CSN2: variants seen among roughly 807,000 people sequenced by gnomAD.
CSN2 encodes the protein casein beta.
Under a neutral mutation model 27.3 loss-of-function variants are expected in CSN2, and 27 were observed. The ratio of observed to expected loss-of-function variants is 0.99; its 90% CI spans 0.73 to 1.36. CSN2 has a LOEUF of 1.36. Ranked by LOEUF, CSN2 falls within the 40% of genes most tolerant of loss-of-function variation. CSN2 has a pLI of 0.00. For synonymous variants in CSN2, 131 were observed against 94.8 expected (o/e 1.38, Z -2.22); for missense variants, 333 against 264.5 (o/e 1.26, Z -1.80).
rs142049170 is a variant in CSN2 at position 69,957,672 on chromosome 4, C to A, written c.277G>T (p.Val93Phe). The A allele has an allele frequency of 3.0e-5, 48 of 1,613,914 alleles. No homozygotes were observed. The highest frequency in any genetic ancestry group is 3.6e-5 in the Non-Finnish European group (42 of 1,179,986). The change falls in exon 6 of 8, where the codon GTC (valine) becomes TTC (phenylalanine). Residue 93 changes from valine (V) to phenylalanine (F), a missense_variant. Transcript: ENST00000353151. ...ACTTCCATTATTTCAGGCTGAGGGA[C>A]AGGCAGCACCACAGCAGGCTGAGCA... The part of the protein sequence containing the change: ...PLAQPAVVLP[V>F]PQPEIMEVPK...
rs902939005 is a variant in CSN2, at chr4:69,965,666, A to G, written c.-13+15T>C. 6.6e-6 allele frequency among the ~76,000 whole-genome samples: 1 copy of G among 151,828 alleles called. No homozygotes were observed. Among genetic ancestry groups the G allele is most frequent in the Non-Finnish European group, 1.5e-5 (1 of 67,920 alleles). On this transcript the variant is annotated intron_variant, in intron 1 of 7. Coordinates refer to ENST00000353151, the MANE Select transcript of CSN2 (RefSeq NM_001891.4). Reference sequence around the variant, plus strand: ...TTAGGAGAAGATACAACAAATTTGTATCTAAAATTCTTACCGTTTTTCCAA... The same window carrying G: ...TTAGGAGAAGATACAACAAATTTGTGTCTAAAATTCTTACCGTTTTTCCAA...
intron 4 of CSN2, 27 bp from the exon 5 acceptor site, chr4:69,958,980 T>C: frequency 1.3e-6 from 2 of 1,571,108 alleles, no homozygotes; most frequent in Non-Finnish European, 8.7e-7. Context: ...TATAAAGATA[T>C]GTTACCATCT....
At chr4:69,959,951 T>A in intron 3 of CSN2, 102 bp downstream of exon 3, 1 of 976,322 alleles carries the variant, frequency 1.0e-6, no homozygotes, top group Non-Finnish European at 1.6e-6. Context: ...AGAACTTATA[T>A]GTCATTAACA....
At chr4:69,962,878 C>A (rs1723646889) in intron 1 of CSN2, among the ~76,000 whole-genome samples, 1 of 152,036 alleles carries the variant, frequency 6.6e-6, no homozygotes, top group Non-Finnish European at 1.5e-5. Context: ...TGAACTCCAA[C>A]AAATTTACAA....
intron 1 of CSN2, among the ~76,000 whole-genome samples, chr4:69,962,268 A>T (rs889282083): frequency 3.0e-4 from 45 of 152,328 alleles, no homozygotes; most frequent in African/African-American, 9.6e-4. Flanking sequence ...AAGAGGCCAC[A>T]TTGCCAAGTA....
chr4:69,963,609 A>G (rs939938136), intron 1 of CSN2, among the ~76,000 whole-genome samples: 6 of 152,044 alleles, frequency 3.9e-5, no homozygotes, highest in East Asian at 1.9e-4. Flanking sequence ...GTGGGGAGGG[A>G]TAGCATTAGG....
At position 69,956,230 on chromosome 4, in the gene CSN2, A is replaced by G; in HGVS notation, c.*36+84T>C. 5 of 973,804 alleles carry G rather than the reference A, an allele frequency of 5.1e-6. No individual in the cohort carries two copies. In the South Asian group the frequency reaches 1.7e-4, roughly 33 times the overall value. 60.3% of individuals were successfully genotyped at this position (973,804 alleles called of 1,614,324 possible). A position where few individuals can be genotyped will look rare whatever the true frequency, so the allele number is the denominator to read the frequency against. Reference sequence around the variant, plus strand: ...CTTGTATGTATGAAATTTTCACTGTATTGGACTTCTCTAGGAGAATTAAAT... The same window carrying G: ...CTTGTATGTATGAAATTTTCACTGTGTTGGACTTCTCTAGGAGAATTAAAT... On this transcript the variant is annotated intron_variant, in intron 7 of 7. Transcript: ENST00000353151.
At chr4:69,961,208 G>T (rs527415329) in intron 1 of CSN2, among the ~76,000 whole-genome samples, 367 of 152,138 alleles carry the variant, frequency 2.4e-3, no homozygotes, top group African/African-American at 8.2e-3. Flanking sequence ...TCTGGCTTGC[G>T]ATTCTCATTT....
chr4:69,957,059 C>G (rs573604471), intron 6 of CSN2, among the ~76,000 whole-genome samples: 1 of 152,002 alleles, frequency 6.6e-6, no homozygotes, highest in Non-Finnish European at 1.5e-5. Flanking sequence ...TGTTAAATGA[C>G]GAGTTAATGG....
At position 69,960,085 on chromosome 4, in the gene CSN2, G is replaced by T. The variant is rs759896409; in HGVS notation, c.52-6C>A. Reference sequence around the variant, plus strand: ...CTTGAAAGGCTTTCTATGGTCTGTGGGAAAAAAAAATTGACAACCAGCTAA... The same window carrying T: ...CTTGAAAGGCTTTCTATGGTCTGTGTGAAAAAAAAATTGACAACCAGCTAA... On this transcript the variant is annotated splice_region_variant and splice_polypyrimidine_tract_variant and intron_variant, in intron 2 of 7. Coordinates refer to ENST00000353151, the MANE Select transcript of CSN2 (RefSeq NM_001891.4). 1.9e-6 allele frequency: 3 copies of T among 1,609,300 alleles called. No homozygotes were observed. The highest frequency in any genetic ancestry group is 2.5e-6 in the Non-Finnish European group (3 of 1,177,506).
rs773636475 is a variant in CSN2, at chr4:69,957,534, G to A, written c.415C>T (p.Leu139=). Residue 139 remains leucine (L), a synonymous_variant, in exon 6 of 8, where the codon CTG becomes TTG. Coordinates refer to ENST00000353151, the MANE Select transcript of CSN2 (RefSeq NM_001891.4). ...QIPKLTDLEN[L]HLPLPLLQPL... ...TGGAGCAGAGGCAGAGGAAGATGCA[G>A]ATTTTCAAGATCAGTGAGTTTTGGG... 16 of 1,613,852 alleles carry A rather than the reference G, an allele frequency of 9.9e-6. No individual in the cohort carries two copies. The highest frequency in any genetic ancestry group is 1.4e-5 in the Non-Finnish European group (16 of 1,179,996).
At chr4:69,960,123 A>G in intron 2 of CSN2, 44 bp from the exon 3 acceptor site, 1 of 1,567,910 alleles carries the variant, frequency 6.4e-7, no homozygotes, top group East Asian at 2.3e-5. Flanking sequence ...CTTCTAGATC[A>G]TTAGAGAATT....
rs117743251 is a variant in CSN2, at chr4:69,961,346, G to T, written c.-12-339C>A. On this transcript the variant is annotated intron_variant, in intron 1 of 7. Transcript: ENST00000353151. ...GCATAAAGAAGTTATAAATATGTAT[G>T]GAAAGATTTATGCAACACATCAAAA... 3.1e-3 allele frequency among the ~76,000 whole-genome samples: 473 copies of T among 152,058 alleles called. 7 individuals are homozygous for T. The highest frequency in any genetic ancestry group is 0.025 in the East Asian group (128 of 5,172).
At position 69,955,402 on chromosome 4, in the gene CSN2, T is replaced by C. The variant is rs548891124; in HGVS notation, c.*227A>G. 1.1e-3 allele frequency: 174 copies of C among 152,644 alleles called. 1 individual carries two copies. The highest frequency in any genetic ancestry group is 1.8e-3 in the Non-Finnish European group (121 of 67,954). 9.5% of individuals were successfully genotyped at this position (152,644 alleles called of 1,614,324 possible). ...AATGAGTATTGAACTTCTGTGGTAC[T>C]AGTTGAATTAAGATTTGGAAAATGT... On this transcript the variant is annotated 3_prime_UTR_variant, in exon 8 of 8. Transcript: ENST00000353151.
chr4:69,960,285 T>C (rs1040690629), intron 2 of CSN2, among the ~76,000 whole-genome samples: 2 of 152,062 alleles, frequency 1.3e-5, no homozygotes, highest in African/African-American at 4.8e-5. Context: ...TTACATCACT[T>C]ATGCAGAGCT....
At chr4:69,958,552 GT>G (rs747699252) in intron 5 of CSN2, among the ~76,000 whole-genome samples, 1 of 151,940 alleles carries the variant, frequency 6.6e-6, no homozygotes, top group Non-Finnish European at 1.5e-5. Flanking sequence ...TTTTACATAG[GT>G]TTTTTTACCA....
chr4:69,957,090 A>G (rs1490187427), intron 6 of CSN2, among the ~76,000 whole-genome samples, 184 bp downstream of exon 6: 2 of 152,190 alleles, frequency 1.3e-5, no homozygotes, highest in Non-Finnish European at 2.9e-5. Context: ...CCAACATGGC[A>G]CATGTATACA....
chr4:69,957,570 C>T lies in CSN2; in HGVS notation c.379G>A (p.Asp127Asn), dbSNP rs752089071. ...VLKSPTIPFF[D>N]PQIPKLTDLE... ...TCAGTGAGTTTTGGGATTTGAGGGT[C>T]AAAAAAGGGTATCGTTGGAGATTTA... The change falls in exon 6 of 8, where the codon GAC (aspartate) becomes AAC (asparagine). Residue 127 changes from aspartate to asparagine, a missense_variant. Asp to Asn is a conservative substitution (Grantham distance 23). Coordinates refer to ENST00000353151, the MANE Select transcript of CSN2 (RefSeq NM_001891.4). 3 of 1,613,434 alleles carry T rather than the reference C, an allele frequency of 1.9e-6. No homozygotes were observed. The highest frequency in any genetic ancestry group is 1.7e-6 in the Non-Finnish European group (2 of 1,179,844).
At position 69,957,421 on chromosome 4, in the gene CSN2, G is replaced by A; in HGVS notation, c.528C>T (p.Val176=). The A allele has an allele frequency of 1.2e-6, 2 of 1,613,704 alleles. No individual in the cohort carries two copies. The highest frequency in any genetic ancestry group is 1.7e-6 in the Non-Finnish European group (2 of 1,179,906). Residue 176 remains valine (V), a synonymous_variant, in exon 6 of 8, where the codon GTC becomes GTT. Transcript: ENST00000353151. ...QPLWSVPQPK[V]LPIPQQVVPY... ...GCACCACTTGCTGGGGGATAGGCAG[G>A]ACTTTGGGCTGAGGAACAGACCACA...
Sources: gnomAD v4.1 joint callset for allele counts (sites outside exome capture counted in the v4.1 genomes callset) on GRCh38, gnomAD v4.1.1 for gene constraint, MANE v1.5 for transcripts, NCBI Gene and HGNC (gene_info 2026-07-23, HGNC 2026-07-21) for gene names.